EEF1G: variants seen among roughly 807,000 people sequenced by gnomAD.
EEF1G encodes the protein elongation factor 1-gamma.
A neutral mutation model predicts 58.3 loss-of-function variants in EEF1G; 14 were observed. The observed-to-expected ratio is 0.24, with a 90% CI of 0.16 to 0.38. EEF1G has a LOEUF of 0.38. Among genes scored for constraint, EEF1G ranks in the 10% least tolerant of loss-of-function variants. EEF1G has a pLI of 1.00. For synonymous variants in EEF1G, 180 were observed against 206.8 expected (o/e 0.87, Z 1.11); for missense variants, 322 against 550.1 (o/e 0.59, Z 4.15).
At chr11:62,562,297 TA>T (rs1261973995) in intron 7 of EEF1G, among the ~76,000 whole-genome samples, 3 of 152,184 alleles carry the variant, frequency 2.0e-5, no homozygotes, top group African/African-American at 7.2e-5. Context: ...TTTTGAGCGT[TA>T]GCCGTCTCTT....
Position 62,572,703 on chromosome 11 carries a change from C to A in EEF1G, c.52G>T (p.Ala18Ser). 6.2e-7 allele frequency: 1 copy of A among 1,613,510 alleles called. No homozygotes were observed. The highest frequency in any genetic ancestry group is 8.5e-7 in the Non-Finnish European group (1 of 1,179,800). ...CCGCTGTACTGAGCAGCGATGAGAG[C>A]CTTGAAGGCCCTCCAGTTTTCAGGA... ...TYPENWRAFK[A>S]LIAAQYSGAQ... The change falls in exon 2 of 10, where the codon GCT (alanine) becomes TCT (serine). Residue 18 changes from alanine (A) to serine (S), a missense_variant. This residue lies in a region of EEF1G where 62 missense variants were observed against 87.0 expected (regional missense o/e 0.71). Coordinates refer to ENST00000329251, the MANE Select transcript of EEF1G (RefSeq NM_001404.5).
intron 1 of EEF1G, 31 bp from the exon 2 acceptor site, chr11:62,572,773 G>T: frequency 1.3e-6 from 2 of 1,590,086 alleles, no homozygotes; most frequent in South Asian, 2.2e-5. Context: ...CAAAATTAAT[G>T]AGTAGAAGGG....
chr11:62,566,111 G>C (rs1941552783), intron 7 of EEF1G, among the ~76,000 whole-genome samples: 1 of 152,160 alleles, frequency 6.6e-6, no homozygotes, highest in African/African-American at 2.4e-5. Flanking sequence ...AGCAGTGATG[G>C]AAGAAAGACT....
Position 62,573,862 on chromosome 11 carries a change from G to T in EEF1G, c.-20C>A, listed in dbSNP as rs3741241. ...CGCCATGGTGATTCCGCAAAGAAAG[G>T]GGGTGGGGTTCTCGGCGCTGCCGCA... On this transcript the variant is annotated 5_prime_UTR_variant, in exon 1 of 10. Coordinates refer to ENST00000329251, the MANE Select transcript of EEF1G (RefSeq NM_001404.5). 12 of 1,613,634 alleles carry T rather than the reference G, an allele frequency of 7.4e-6. No homozygotes were observed. In the Admixed American group the frequency reaches 1.0e-4, roughly 13 times the overall value.
intron 5 of EEF1G, among the ~76,000 whole-genome samples, chr11:62,569,292 T>G (rs1044125647): frequency 6.6e-6 from 1 of 152,038 alleles, no homozygotes; most frequent in Non-Finnish European, 1.5e-5. Flanking sequence ...CTGACCAACA[T>G]GGCAAAACCC....
intron 2 of EEF1G, 151 bp downstream of exon 2, chr11:62,572,433 A>T: frequency 9.3e-7 from 1 of 1,071,350 alleles, no homozygotes; most frequent in Non-Finnish European, 1.3e-6. Flanking sequence ...AACTACATGT[A>T]AATCTGTATT....
chr11:62,562,842 T>C (rs1487192009), intron 7 of EEF1G, among the ~76,000 whole-genome samples: 4 of 152,164 alleles, frequency 2.6e-5, no homozygotes, highest in East Asian at 1.9e-4. Flanking sequence ...CCATGACATA[T>C]GCAGTTTTGT....
chr11:62,560,166 C>T lies in EEF1G; in HGVS notation c.1058G>A (p.Arg353Lys). The change falls in exon 9 of 10, where the codon AGG (arginine) becomes AAG (lysine). Residue 353 changes from arginine (R) to lysine (K), a missense_variant. By Grantham distance (26) the Arg-to-Lys change is conservative. Coordinates refer to ENST00000329251, the MANE Select transcript of EEF1G (RefSeq NM_001404.5). ...TGMFQRLDKL[R>K]KNAFASVILF... ...GATGACACTGGCGAAGGCATTCTTC[C>T]TCAGCTTGTCCAGTCGCTGGAACAT... 1 of 1,614,056 alleles carries T rather than the reference C, an allele frequency of 6.2e-7. No homozygotes were observed. Among genetic ancestry groups the T allele is most frequent in the African/African-American group, 1.3e-5 (1 of 75,050 alleles).
intron 7 of EEF1G, among the ~76,000 whole-genome samples, chr11:62,564,933 G>A (rs1842371850): frequency 6.6e-6 from 1 of 151,576 alleles, no homozygotes; most frequent in African/African-American, 2.4e-5. Context: ...CAGCCGTGGT[G>A]TCACGCGCCT....
chr11:62,570,556 G>A (rs1354373211), intron 5 of EEF1G, among the ~76,000 whole-genome samples: 1 of 151,980 alleles, frequency 6.6e-6, no homozygotes, highest in Non-Finnish European at 1.5e-5. Flanking sequence ...GGGATTCCTG[G>A]CTGTTTTTTG....
intron 4 of EEF1G, 83 bp downstream of exon 4, chr11:62,571,457 C>T: frequency 2.0e-6 from 3 of 1,477,932 alleles, no homozygotes; most frequent in Admixed American, 2.5e-5. Flanking sequence ...ATCTTTTTTT[C>T]AACCTATTTT....
intron 7 of EEF1G, among the ~76,000 whole-genome samples, chr11:62,562,923 G>A (rs900688407): frequency 2.6e-5 from 4 of 151,748 alleles, no homozygotes; most frequent in African/African-American, 7.3e-5. Context: ...GAAATATAGC[G>A]AGACACTGTC....
chr11:62,572,603 C>T lies in EEF1G; in HGVS notation c.152G>A (p.Arg51His). The change falls in exon 2 of 10, where the codon CGC becomes CAC. Residue 51 changes from arginine to histidine, a missense_variant. Arg to His is a conservative substitution (Grantham distance 29). Around this residue, in one of 3 missense-constraint regions of EEF1G, gnomAD observed 62 missense variants for 87.0 expected, o/e 0.71. Coordinates refer to ENST00000329251, the MANE Select transcript of EEF1G (RefSeq NM_001404.5). ...GQTNRTPEFL[R>H]KFPAGKVPAF... ...ACTCACCTTGCCGGCAGGAAATTTG[C>T]GGAGAAATTCAGGGGTGCGGTTGGT... The T allele has an allele frequency of 1.9e-6, 3 of 1,611,866 alleles. No individual in the cohort carries two copies. Among genetic ancestry groups the T allele is most frequent in the East Asian group, 4.5e-5 (2 of 44,892 alleles).
chr11:62,561,381 G>A (rs1448927490), intron 7 of EEF1G, among the ~76,000 whole-genome samples: 1 of 147,982 alleles, frequency 6.8e-6, no homozygotes, highest in Non-Finnish European at 1.5e-5. Context: ...TCCTGTCTGG[G>A]GGGAAAAAAA....
intron 7 of EEF1G, among the ~76,000 whole-genome samples, chr11:62,563,749 T>TC (rs1325317990): frequency 6.6e-6 from 1 of 152,106 alleles, no homozygotes; most frequent in Non-Finnish European, 1.5e-5. Context: ...ACCCTGACCC[T>TC]CCCCTCTCTT....
intron 5 of EEF1G, among the ~76,000 whole-genome samples, chr11:62,568,217 C>G (rs1165221183): frequency 7.8e-5 from 5 of 64,390 alleles, no homozygotes; most frequent in South Asian, 4.5e-4. Context: ...GACAGAGTGA[C>G]TCTGTCTCAA....
chr11:62,560,706 G>A (rs1165838699), intron 7 of EEF1G, among the ~76,000 whole-genome samples: 3 of 152,160 alleles, frequency 2.0e-5, no homozygotes, highest in Non-Finnish European at 2.9e-5. Context: ...CCCCAGGAAG[G>A]GCATGGCTAA....
rs138762037 is a variant in EEF1G, at chr11:62,564,002, A to G, written c.857+2804T>C. Among the ~76,000 whole-genome samples the G allele has an allele frequency of 6.9e-3, 1,048 of 152,338 alleles. 11 individuals carry two copies. The highest frequency in any genetic ancestry group is 0.023 in the African/African-American group (974 of 41,582). On this transcript the variant is annotated intron_variant, in intron 7 of 9. Transcript: ENST00000329251. ...GTCACCCAAGTGCAGGGGCACGATCATGGCTCACTGCAGCCTCAACCTGCT... is the reference window on the plus strand; with the variant it reads ...GTCACCCAAGTGCAGGGGCACGATCGTGGCTCACTGCAGCCTCAACCTGCT...
Position 62,573,849 on chromosome 11 carries a change from T to G in EEF1G, c.-7A>C. 6.2e-7 allele frequency: 1 copy of G among 1,613,612 alleles called. No homozygotes were observed. The highest frequency in any genetic ancestry group is 1.1e-5 in the South Asian group (1 of 91,066). Reference sequence around the variant, plus strand: ...AACTTACCCCAGCCGCCATGGTGATTCCGCAAAGAAAGGGGGTGGGGTTCT... The same window carrying G: ...AACTTACCCCAGCCGCCATGGTGATGCCGCAAAGAAAGGGGGTGGGGTTCT... On this transcript the variant is annotated 5_prime_UTR_variant, in exon 1 of 10. Coordinates refer to ENST00000329251, the MANE Select transcript of EEF1G (RefSeq NM_001404.5).
Sources: gnomAD v4.1 joint callset for allele counts (sites outside exome capture counted in the v4.1 genomes callset) on GRCh38, gnomAD v4.1.1 for gene constraint, gnomAD v4.1.1 regional missense constraint, MANE v1.5 for transcripts, NCBI Gene and HGNC (gene_info 2026-07-23, HGNC 2026-07-21) for gene names.